The following IGBP1C variants were observed in gnomAD, a reference collection of about 807,000 sequenced individuals.
IGBP1C encodes IGBP1 family member C.
chr17:58,672,711 C>T, the IGBP1C span, among the ~76,000 whole-genome samples: 181 of 151,922 alleles, frequency 1.2e-3, 1 homozygote, highest in African/African-American at 4.3e-3. Context: ...TGTGAGCCAC[C>T]ATACCCAGTC....
chr17:58,674,721 C>T, the IGBP1C span, among the ~76,000 whole-genome samples: 1 of 151,480 alleles, frequency 6.6e-6, no homozygotes, highest in Admixed American at 6.6e-5. Flanking sequence ...ATCTTCCTGA[C>T]CTCCAATTAG....
the IGBP1C span, chr17:58,675,237 A>G: frequency 6.6e-6 from 1 of 152,192 alleles, no homozygotes; most frequent in African/African-American, 2.4e-5. Flanking sequence ...AATCACCATG[A>G]AATACCACTT....
the IGBP1C span, chr17:58,660,905 G>A: frequency 1.2e-6 from 1 of 838,772 alleles, no homozygotes; most frequent in Non-Finnish European, 2.1e-6. Context: ...ACATGAGTTA[G>A]AAGTGGATGC....
At chr17:58,663,915 T>C in the IGBP1C span, among the ~76,000 whole-genome samples, 55 of 152,280 alleles carry the variant, frequency 3.6e-4, no homozygotes, top group South Asian at 7.5e-3. Flanking sequence ...CAGTGGCTCA[T>C]GCCTGCAATC....
chr17:58,680,813 C>T, the IGBP1C span, among the ~76,000 whole-genome samples: 1 of 152,050 alleles, frequency 6.6e-6, no homozygotes, highest in Admixed American at 6.6e-5. Flanking sequence ...ATTGTCTTTC[C>T]AAGATCACAC....
chr17:58,681,667 T>C, the IGBP1C span, among the ~76,000 whole-genome samples: 18 of 152,014 alleles, frequency 1.2e-4, no homozygotes, highest in Non-Finnish European at 4.4e-5. Flanking sequence ...CTGGCAAACA[T>C]GGTGAAACCT....
the IGBP1C span, among the ~76,000 whole-genome samples, chr17:58,689,068 C>A: frequency 1.3e-5 from 2 of 151,874 alleles, no homozygotes; most frequent in East Asian, 3.9e-4. Context: ...GTAGCTGGGA[C>A]TACAGGTGCC....
the IGBP1C span, among the ~76,000 whole-genome samples, chr17:58,665,189 G>A: frequency 3.9e-5 from 6 of 151,914 alleles, no homozygotes; most frequent in African/African-American, 1.4e-4. Context: ...ATAGGGTCTC[G>A]CTATGCTGCC....
the IGBP1C span, among the ~76,000 whole-genome samples, chr17:58,677,890 G>A: frequency 1.3e-5 from 2 of 152,220 alleles, no homozygotes; most frequent in African/African-American, 2.4e-5. Context: ...GGTGGCTCAC[G>A]CCTGTAATCC....
At chr17:58,690,773 G>A in the IGBP1C span, among the ~76,000 whole-genome samples, 1 of 152,120 alleles carries the variant, frequency 6.6e-6, no homozygotes, top group Non-Finnish European at 1.5e-5. Flanking sequence ...AATGCTTCTC[G>A]TATTCTCCCC....
At chr17:58,691,306 G>A in the IGBP1C span, among the ~76,000 whole-genome samples, 3 of 152,134 alleles carry the variant, frequency 2.0e-5, 1 homozygote, top group South Asian at 6.2e-4. Context: ...ATCTAAGTAT[G>A]TAGAGGGCTC....
chr17:58,681,855 C>CA, the IGBP1C span, among the ~76,000 whole-genome samples: 1,128 of 147,936 alleles, frequency 7.6e-3, 4 homozygotes, highest in Middle Eastern at 0.02. Flanking sequence ...AACAAAAAAA[C>CA]AAAAAAAAAG....
At chr17:58,674,946 G>T in the IGBP1C span, among the ~76,000 whole-genome samples, 1 of 150,114 alleles carries the variant, frequency 6.7e-6, no homozygotes, top group Non-Finnish European at 1.5e-5. Flanking sequence ...AGGAGTTTGA[G>T]ACCAGCCTGG....
chr17:58,683,937 T>A, the IGBP1C span, among the ~76,000 whole-genome samples: 1 of 136,648 alleles, frequency 7.3e-6, no homozygotes, highest in Admixed American at 7.4e-5. Flanking sequence ...TGGTGGTGCA[T>A]CCCTGTCATC....
At chr17:58,681,340 G>A in the IGBP1C span, among the ~76,000 whole-genome samples, 1 of 152,264 alleles carries the variant, frequency 6.6e-6, no homozygotes, top group East Asian at 1.9e-4. Context: ...CTTAGATGGG[G>A]AGAAAAAGAA....
chr17:58,667,554 T>G, the IGBP1C span, among the ~76,000 whole-genome samples: 1 of 152,250 alleles, frequency 6.6e-6, no homozygotes, highest in African/African-American at 2.4e-5. Flanking sequence ...AATGGAATCA[T>G]CCCCATTTCA....
At chr17:58,660,880 A>T in the IGBP1C span, 8 of 801,000 alleles carry the variant, frequency 1.0e-5, no homozygotes, top group Non-Finnish European at 2.3e-6. Context: ...GTTTCATTGG[A>T]GGCCTCTTCT....
At chr17:58,691,237 G>A in the IGBP1C span, among the ~76,000 whole-genome samples, 4 of 152,222 alleles carry the variant, frequency 2.6e-5, no homozygotes, top group African/African-American at 9.6e-5. Context: ...CATGGCTATG[G>A]CCATTTGAAA....
chr17:58,675,925 A>G, the IGBP1C span, among the ~76,000 whole-genome samples: 1 of 152,154 alleles, frequency 6.6e-6, no homozygotes, highest in Non-Finnish European at 1.5e-5. Flanking sequence ...TCATAGTAGT[A>G]TGTAAGCTTT....
Sources: gnomAD v4.1 joint callset for allele counts (sites outside exome capture counted in the v4.1 genomes callset) on GRCh38, gnomAD v4.1.1 for gene constraint, MANE v1.5 for transcripts, NCBI Gene and HGNC (gene_info 2026-07-23, HGNC 2026-07-21) for gene names.